EIF5B: variants seen among roughly 807,000 people sequenced by gnomAD.
EIF5B encodes eukaryotic translation initiation factor 5B.
In EIF5B, 47 loss-of-function variants were observed where a neutral mutation model predicts 147.5. The observed-to-expected ratio is 0.32, with a 90% CI of 0.25 to 0.41. The LOEUF (loss-of-function observed/expected upper bound fraction) is 0.41, where lower values mean the gene tolerates loss of function less well. Among genes scored for constraint, EIF5B ranks in the 10% least tolerant of loss-of-function variants. The pLI, the probability that EIF5B is intolerant of heterozygous loss-of-function variation, is 1.00. For synonymous variants in EIF5B, 455 were observed against 456.2 expected (o/e 1.00, Z 0.03); for missense variants, 1,064 against 1,413.2 (o/e 0.75, Z 3.96).
rs1452873066 is a variant in EIF5B, at chr2:99,368,607, A to G, written c.1387+16A>G. The G allele has an allele frequency of 2.6e-6, 4 of 1,566,138 alleles. No homozygotes were observed. The highest frequency in any genetic ancestry group is 3.5e-6 in the Non-Finnish European group (4 of 1,138,662). On this transcript the variant is annotated intron_variant, in intron 7 of 23. Transcript: ENST00000289371. Reference sequence around the variant, plus strand: ...AGTAAAGAAGGTTTGTATACAAAATAGCCTCTAATTTAGGAAATATGTTGT... The same window carrying G: ...AGTAAAGAAGGTTTGTATACAAAATGGCCTCTAATTTAGGAAATATGTTGT...
rs1013518881 is a variant in EIF5B at position 99,379,076 on chromosome 2, A to G, written c.1900A>G (p.Ile634Val). Residue 634 changes from isoleucine to valine, a missense_variant, in exon 11 of 24, where the codon ATC becomes GTC. Around this residue, in one of 4 missense-constraint regions of EIF5B, gnomAD observed 380 missense variants for 715.6 expected, o/e 0.53. Coordinates refer to ENST00000289371, the MANE Select transcript of EIF5B (RefSeq NM_015904.4). ...VNTEKLRAPI[I>V]CVLGHVDTGK... ...CACCGAAAAGCTAAGAGCCCCTATT[A>G]TCTGCGTACTTGGGCATGTGGACAC... The G allele has an allele frequency of 2.5e-6, 4 of 1,606,828 alleles. No individual in the cohort carries two copies. Among genetic ancestry groups the G allele is most frequent in the Admixed American group, 1.7e-5 (1 of 59,178 alleles).
At chr2:99,382,258 C>G (rs201471771) in intron 13 of EIF5B, 32 bp downstream of exon 13, 3 of 1,579,090 alleles carry the variant, frequency 1.9e-6, no homozygotes, top group Non-Finnish European at 2.6e-6. Context: ...TCTCATCAAG[C>G]AATCTACTTG....
intron 14 of EIF5B, among the ~76,000 whole-genome samples, chr2:99,388,831 G>A (rs1012188520): frequency 6.6e-6 from 1 of 152,140 alleles, no homozygotes; most frequent in Non-Finnish European, 1.5e-5. Context: ...CTCCTAAGAC[G>A]AGTTGAGAAG....
chr2:99,385,621 A>G (rs1328340360), intron 14 of EIF5B, among the ~76,000 whole-genome samples: 4 of 152,254 alleles, frequency 2.6e-5, no homozygotes, highest in Admixed American at 1.3e-4. Context: ...TTAATAGACT[A>G]CAATATAGTA....
chr2:99,371,053 A>G (rs1011290219), intron 8 of EIF5B: 4 of 152,258 alleles, frequency 2.6e-5, no homozygotes, highest in African/African-American at 9.6e-5. Flanking sequence ...TAGCTTTTTC[A>G]AGATCTAAAG....
chr2:99,365,816 A>G (rs1674315217), intron 6 of EIF5B, among the ~76,000 whole-genome samples: 1 of 151,930 alleles, frequency 6.6e-6, no homozygotes, highest in Non-Finnish European at 1.5e-5. Flanking sequence ...TAAGAATCCA[A>G]ATTCCTTAGC....
chr2:99,382,774 C>T lies in EIF5B; in HGVS notation c.2130-6C>T. On this transcript the variant is annotated splice_region_variant and splice_polypyrimidine_tract_variant and intron_variant, in intron 13 of 23. Transcript: ENST00000289371. Reference sequence around the variant, plus strand: ...TACTTATAGATCTTTTCCTTCTTTTCAACAGTAATCTGAGAAATAGAGGAA... The same window carrying T: ...TACTTATAGATCTTTTCCTTCTTTTTAACAGTAATCTGAGAAATAGAGGAA... 1 of 1,583,994 alleles carries T rather than the reference C, an allele frequency of 6.3e-7. No homozygotes were observed. Among genetic ancestry groups the T allele is most frequent in the Non-Finnish European group, 8.5e-7 (1 of 1,171,598 alleles).
rs1173331422 is a variant in EIF5B, at chr2:99,400,330, A to G, written c.*916A>G. 2.0e-5 allele frequency: 3 copies of G among 152,058 alleles called. No individual in the cohort carries two copies. Among genetic ancestry groups the G allele is most frequent in the African/African-American group, 7.2e-5 (3 of 41,390 alleles). The allele number at this position is 152,058 out of a possible 1,614,324, so 9.4% of individuals were successfully genotyped here. A position where few individuals can be genotyped will look rare whatever the true frequency, so the allele number is the denominator to read the frequency against. ...AATTCCATCATACACACATTTCCTG[A>G]TATTTGGGCTTAGTGCTTCTAAATT... On this transcript the variant is annotated 3_prime_UTR_variant, in exon 24 of 24. Transcript: ENST00000289371.
At chr2:99,350,244 G>T (rs370493552) in intron 1 of EIF5B, among the ~76,000 whole-genome samples, 31 of 152,296 alleles carry the variant, frequency 2.0e-4, no homozygotes, top group African/African-American at 7.2e-4. Context: ...CAGTGCTGCA[G>T]TAAATGTGGG....
Position 99,373,552 on chromosome 2 carries a change from A to G in EIF5B, c.1552+1822A>G, listed in dbSNP as rs1035938505. 5.9e-5 allele frequency among the ~76,000 whole-genome samples: 9 copies of G among 152,300 alleles called. No homozygotes were observed. The East Asian group carries it at 1.7e-3, about 29-fold the overall frequency. On this transcript the variant is annotated intron_variant, in intron 9 of 23. Transcript: ENST00000289371. ...CCCCACCACCCTCCTACCTCCTACC[A>G]GCAAAATGGGGATTATGTTTTAAAC...
chr2:99,354,620 A>G (rs1198120664), intron 1 of EIF5B, among the ~76,000 whole-genome samples: 1 of 152,054 alleles, frequency 6.6e-6, no homozygotes, highest in African/African-American at 2.4e-5. Context: ...CTCTTTTCCT[A>G]AAAGTTTATG....
chr2:99,395,872 G>A (rs1001301784), intron 21 of EIF5B, among the ~76,000 whole-genome samples: 6 of 152,176 alleles, frequency 3.9e-5, no homozygotes, highest in African/African-American at 1.4e-4. Context: ...GTCAGAGAGG[G>A]TGGCAGGACC....
chr2:99,367,091 A>T (rs1674342892), intron 6 of EIF5B, among the ~76,000 whole-genome samples: 2 of 152,248 alleles, frequency 1.3e-5, no homozygotes, highest in African/African-American at 2.4e-5. Context: ...TCAGAGGAAA[A>T]CATAGGAGGA....
intron 14 of EIF5B, among the ~76,000 whole-genome samples, chr2:99,385,699 TA>T (rs1674790387): frequency 6.6e-6 from 1 of 152,248 alleles, no homozygotes; most frequent in African/African-American, 2.4e-5. Context: ...ATTGTAGTAT[TA>T]GCTTTACTGC....
chr2:99,382,953 A>T, intron 14 of EIF5B, 32 bp downstream of exon 14: 2 of 1,540,038 alleles, frequency 1.3e-6, no homozygotes, highest in Non-Finnish European at 1.7e-6. Flanking sequence ...TTAACCTAGG[A>T]AAACATGTTT....
intron 1 of EIF5B, 46 bp downstream of exon 1, chr2:99,337,635 T>C: frequency 6.3e-7 from 1 of 1,583,966 alleles, no homozygotes; most frequent in Non-Finnish European, 8.6e-7. Context: ...CGTGGCTCAG[T>C]GGAGTGTGCG....
intron 1 of EIF5B, among the ~76,000 whole-genome samples, chr2:99,345,674 G>A (rs1217971168): frequency 6.6e-6 from 1 of 152,022 alleles, no homozygotes; most frequent in Non-Finnish European, 1.5e-5. Context: ...GCGGGGTGCG[G>A]TGGCTCATGT....
Position 99,362,118 on chromosome 2 carries a change from AAT to A in EIF5B, c.919+299_919+300del, listed in dbSNP as rs573762093. On this transcript the variant is annotated intron_variant, in intron 4 of 23. Transcript: ENST00000289371. ...AGGCTATAGAAGTTACTTAATGAAA[AAT>A]TTATTCTTCCTTTCTGATAACTCAG... Among the ~76,000 whole-genome samples, 39 of 152,298 alleles carry A rather than the reference AAT, an allele frequency of 2.6e-4. No homozygotes were observed. In the South Asian group the frequency reaches 8.1e-3, roughly 32 times the overall value.
chr2:99,379,202 C>A, intron 11 of EIF5B, 76 bp downstream of exon 11: 5 of 1,413,336 alleles, frequency 3.5e-6, no homozygotes, highest in Non-Finnish European at 4.8e-6. Flanking sequence ...ACTTTAGAGA[C>A]CAATAGGACA....
Sources: allele counts gnomAD v4.1 joint callset (sites outside exome capture counted in the v4.1 genomes callset), GRCh38; gene constraint gnomAD v4.1.1; regional missense constraint gnomAD v4.1.1; transcripts MANE v1.5; gene names NCBI Gene and HGNC (gene_info 2026-07-23, HGNC 2026-07-21).